The following CHEK1 variants were observed in gnomAD, a reference collection of about 807,000 sequenced individuals.
CHEK1 encodes the protein checkpoint kinase 1, also known as serine/threonine-protein kinase Chk1.
Under a neutral mutation model 60.2 loss-of-function variants are expected in CHEK1, and 32 were observed. That is an observed-to-expected ratio of 0.53 (90% CI 0.40 to 0.71). The LOEUF is 0.71. Among genes scored for constraint, CHEK1 ranks in the 30% least tolerant of loss-of-function variants. The pLI is 0.00. For missense variants in CHEK1, 399 were observed against 564.6 expected, an observed-to-expected ratio of 0.71 and a Z score of 2.97; for synonymous variants, 179 against 187.2, an observed-to-expected ratio of 0.96 and a Z score of 0.36.
intron 12 of CHEK1, among the ~76,000 whole-genome samples, chr11:125,654,181 T>C (rs1941826514): frequency 6.6e-6 from 1 of 151,938 alleles, no homozygotes; most frequent in Non-Finnish European, 1.5e-5. Flanking sequence ...ATACAAAAAA[T>C]TAGCCAGGCG....
intron 6 of CHEK1, among the ~76,000 whole-genome samples, chr11:125,633,630 A>T (rs1177029523): frequency 6.6e-6 from 1 of 152,070 alleles, no homozygotes. Flanking sequence ...TTAAAAATTC[A>T]TTGTAGAGAT....
At chr11:125,632,792 C>A (rs1283282565) in intron 5 of CHEK1, among the ~76,000 whole-genome samples, 1 of 152,098 alleles carries the variant, frequency 6.6e-6, no homozygotes, top group African/African-American at 2.4e-5. Flanking sequence ...ACTGATGTTT[C>A]CTTCCTGCCC....
intron 3 of CHEK1, among the ~76,000 whole-genome samples, 160 bp downstream of exon 3, chr11:125,627,990 C>T (rs1049794671): frequency 6.6e-6 from 1 of 152,100 alleles, no homozygotes; most frequent in Non-Finnish European, 1.5e-5. Context: ...GTGTTAATAA[C>T]ATAAAAGCAT....
intron 6 of CHEK1, among the ~76,000 whole-genome samples, chr11:125,634,616 T>G (rs1418361050): frequency 6.6e-6 from 1 of 152,020 alleles, no homozygotes; most frequent in East Asian, 1.9e-4. Context: ...TAGTGCCCTA[T>G]AAAGATACAA....
intron 13 of CHEK1, chr11:125,672,462 G>T: frequency 9.9e-7 from 1 of 1,013,942 alleles, no homozygotes. Context: ...GGATGTTTGA[G>T]CATCCTAATG....
In CHEK1 at chr11:125,633,216, C is replaced by T. The variant is rs369248914; in HGVS notation, c.478C>T (p.Arg160Cys). 2.2e-5 allele frequency: 36 copies of T among 1,603,884 alleles called. No homozygotes were observed. The highest frequency in any genetic ancestry group is 8.8e-5 in the Admixed American group (5 of 57,008). Reference sequence around the variant, plus strand: ...GGCAACAGTATTTCGGTATAATAATCGTGAGCGTTTGTTGAACAAGATGTG... The same window carrying T: ...GGCAACAGTATTTCGGTATAATAATTGTGAGCGTTTGTTGAACAAGATGTG... ...GLATVFRYNN[R>C]ERLLNKMCGT... The change falls in exon 6 of 13, where the codon CGT (arginine) becomes TGT (cysteine). Residue 160 changes from arginine (R) to cysteine (C), a missense_variant. By Grantham distance (180) the Arg-to-Cys change is radical (BLOSUM62 -3). Coordinates refer to ENST00000438015, the MANE Select transcript of CHEK1 (RefSeq NM_001114122.3).
intron 5 of CHEK1, 150 bp downstream of exon 5, chr11:125,629,610 G>C (rs542221377): frequency 3.3e-6 from 2 of 614,752 alleles, no homozygotes; most frequent in Non-Finnish European, 5.3e-6. Flanking sequence ...AAAAATCAAG[G>C]AAATTTTGGA....
At chr11:125,633,375 A>T (rs1368213224) in intron 6 of CHEK1, 24 bp downstream of exon 6, 1 of 1,494,240 alleles carries the variant, frequency 6.7e-7, no homozygotes. Context: ...AATCATGGTA[A>T]AACTCCTATA....
At chr11:125,631,056 G>C (rs1240372761) in intron 5 of CHEK1, among the ~76,000 whole-genome samples, 2 of 152,060 alleles carry the variant, frequency 1.3e-5, no homozygotes, top group Non-Finnish European at 2.9e-5. Flanking sequence ...CTAGTATATT[G>C]TTCAAGTATG....
At chr11:125,632,087 A>G (rs895542259) in intron 5 of CHEK1, among the ~76,000 whole-genome samples, 6 of 152,100 alleles carry the variant, frequency 3.9e-5, no homozygotes, top group Non-Finnish European at 4.4e-5. Flanking sequence ...GCGTCATGCT[A>G]TAATATTTTT....
chr11:125,668,434 A>C (rs1942137502), intron 13 of CHEK1, among the ~76,000 whole-genome samples: 1 of 152,024 alleles, frequency 6.6e-6, no homozygotes, highest in African/African-American at 2.4e-5. Context: ...TCAATTGTTG[A>C]TATTTGGATT....
intron 8 of CHEK1, among the ~76,000 whole-genome samples, chr11:125,641,273 G>A (rs531539752): frequency 1.3e-5 from 2 of 151,898 alleles, no homozygotes; most frequent in African/African-American, 2.4e-5. Context: ...GCTTCCAGGC[G>A]TTACACTCTT....
At chr11:125,651,802 T>C (rs887241109) in intron 11 of CHEK1, among the ~76,000 whole-genome samples, 7 of 152,352 alleles carry the variant, frequency 4.6e-5, no homozygotes, top group African/African-American at 1.7e-4. Context: ...TTGAATAAGT[T>C]GCTGCAAGCT....
At chr11:125,657,169 G>T, downstream of CHEK1, 2 of 153,000 alleles carry the variant, frequency 1.3e-5, no homozygotes, top group Non-Finnish European at 2.8e-5. Flanking sequence ...AAATTTTGAT[G>T]GAAAAATCAA....
Position 125,644,618 on chromosome 11 carries a change from A to G in CHEK1, c.1208A>G (p.Gln403Arg), listed in dbSNP as rs115991933. Residue 403 changes from glutamine (Q) to arginine (R), a missense_variant, in exon 11 of 13, where the codon CAA (glutamine) becomes CGA (arginine). Transcript: ENST00000438015. ...LKETCEKLGY[Q>R]WKKSCMNQVT... The stretch of plus-strand genomic sequence containing the variant: ...GAGACTTGTGAGAAGTTGGGCTATC[A>G]ATGGAAGAAAAGTTGTATGAATCAG... 2 of 1,614,132 alleles carry G rather than the reference A, an allele frequency of 1.2e-6. No individual in the cohort carries two copies. Among genetic ancestry groups the G allele is most frequent in the African/African-American group, 1.3e-5 (1 of 75,040 alleles).
Position 125,625,369 on chromosome 11 carries a change from C to T in CHEK1, c.-664C>T, listed in dbSNP as rs558351. 0.43 allele frequency: 109,695 copies of T among 253,018 alleles called. 25,041 individuals carry two copies. Among genetic ancestry groups the T allele is most frequent in the Admixed American group, 0.55 (10,818 of 19,640 alleles). 15.7% of individuals were successfully genotyped at this position (253,018 alleles called of 1,614,324 possible). The stretch of plus-strand genomic sequence containing the variant: ...TCTCCGGGAAACTTGCCCCGCCACA[C>T]ACACTTGACTGCGTGGCCAGTTCTT... On this transcript the variant is annotated 5_prime_UTR_variant, in exon 1 of 13. Coordinates refer to ENST00000438015, the MANE Select transcript of CHEK1 (RefSeq NM_001114122.3).
chr11:125,633,050 C>T, intron 5 of CHEK1, 113 bp from the exon 6 acceptor site: 1 of 895,526 alleles, frequency 1.1e-6, no homozygotes, highest in Non-Finnish European at 1.6e-6. Flanking sequence ...AAGAGAAGTT[C>T]TACAAACCTT....
At chr11:125,664,257 A>G (rs1300900251) in intron 13 of CHEK1, among the ~76,000 whole-genome samples, 1 of 143,292 alleles carries the variant, frequency 7.0e-6, no homozygotes, top group Non-Finnish European at 1.5e-5. Flanking sequence ...TTTTGGAGAC[A>G]GAGTCTCACT....
intron 5 of CHEK1, 106 bp from the exon 6 acceptor site, chr11:125,633,057 C>A (rs1940927449): frequency 1.0e-6 from 1 of 979,134 alleles, no homozygotes. Context: ...GTTCTACAAA[C>A]CTTAAGTAAC....
Sources: allele counts gnomAD v4.1 joint callset (sites outside exome capture counted in the v4.1 genomes callset), GRCh38; gene constraint gnomAD v4.1.1; transcripts MANE v1.5; gene names NCBI Gene and HGNC (gene_info 2026-07-23, HGNC 2026-07-21).